The following ATL3 variants were observed in gnomAD, a reference collection of about 807,000 sequenced individuals.
ATL3 encodes atlastin-3.
ATL3 carries 49 observed loss-of-function variants against 69.5 expected under a neutral mutation model. The observed-to-expected ratio is 0.71, with a 90% CI of 0.56 to 0.89. ATL3 has a LOEUF of 0.89. Ranked by LOEUF, ATL3 falls within the 40% of genes least tolerant of loss-of-function variation. The probability of loss-of-function intolerance (pLI) is 0.00; values close to 1 mark genes in which losing one functional copy is unlikely to be tolerated. For missense variants in ATL3, 606 were observed against 645.7 expected, an observed-to-expected ratio of 0.94 and a Z score of 0.67; for synonymous variants, 214 against 224.1, an observed-to-expected ratio of 0.95 and a Z score of 0.40.
chr11:63,631,422 TTC>T lies in ATL3; in HGVS notation c.1155_1156del (p.Lys386AlafsTer3). 6.2e-7 allele frequency: 1 copy of T among 1,614,130 alleles called. No homozygotes were observed. ...AGCAAGTTGTTTGAATTCACAGTGC[TTC>T]TCCTCTAGAATGTCTGGAGACAAAT... On this transcript the variant is annotated frameshift_variant, in exon 12 of 13. Coordinates refer to ENST00000398868, the MANE Select transcript of ATL3 (RefSeq NM_015459.5). LOFTEE classifies it high-confidence loss of function.
rs1402229699 is a variant in ATL3, at chr11:63,626,957, G to C, written c.*2362C>G. 1 of 151,684 alleles carries C rather than the reference G, an allele frequency of 6.6e-6. No individual in the cohort carries two copies. Among genetic ancestry groups the C allele is most frequent in the African/African-American group, 2.4e-5 (1 of 41,312 alleles). 9.4% of individuals were successfully genotyped at this position (151,684 alleles called of 1,614,324 possible). Reference sequence around the variant, plus strand: ...GCAGAACTAAGAAAAAAAAAAAATGGTGAAGAGGACTTCCTCTGGATAATT... The same window carrying C: ...GCAGAACTAAGAAAAAAAAAAAATGCTGAAGAGGACTTCCTCTGGATAATT... On this transcript the variant is annotated 3_prime_UTR_variant, in exon 13 of 13. Coordinates refer to ENST00000398868, the MANE Select transcript of ATL3 (RefSeq NM_015459.5).
intron 8 of ATL3, among the ~76,000 whole-genome samples, chr11:63,640,862 A>C (rs894385808): frequency 1.3e-5 from 2 of 152,110 alleles, no homozygotes; most frequent in Non-Finnish European, 2.9e-5. Flanking sequence ...TTGGCCTCCC[A>C]AAGTGCTGGG....
chr11:63,669,438 G>A (rs1054440944), intron 1 of ATL3, among the ~76,000 whole-genome samples: 23 of 151,914 alleles, frequency 1.5e-4, no homozygotes, highest in Non-Finnish European at 2.8e-4. Context: ...GGGAGGCTGC[G>A]GCAGGAGAAT....
In ATL3 at chr11:63,659,112, C is replaced by A; in HGVS notation, c.187G>T (p.Val63Phe). 1 of 1,614,022 alleles carries A rather than the reference C, an allele frequency of 6.2e-7. No homozygotes were observed. The highest frequency in any genetic ancestry group is 1.1e-5 in the South Asian group (1 of 91,074). Residue 63 changes from valine (V) to phenylalanine (F), a missense_variant, in exon 2 of 13, where the codon GTT (valine) becomes TTT (phenylalanine). Transcript: ENST00000398868. ...DHIRDLDVVV[V>F]SVAGAFRKGK... Reference sequence around the variant, plus strand: ...TTTCGGAAGGCACCAGCCACTGAAACCACCACCACATCAAGATCTCGGATG... The same window carrying A: ...TTTCGGAAGGCACCAGCCACTGAAAACACCACCACATCAAGATCTCGGATG...
chr11:63,647,734 A>G (rs1939932240), intron 5 of ATL3, among the ~76,000 whole-genome samples: 1 of 152,226 alleles, frequency 6.6e-6, no homozygotes, highest in Admixed American at 6.5e-5. Context: ...AATCTTCAGG[A>G]AGCCTCACTA....
chr11:63,643,395 T>A lies in ATL3; in HGVS notation c.812A>T (p.Gln271Leu). 6.2e-7 allele frequency: 1 copy of A among 1,610,508 alleles called. No homozygotes were observed. Among genetic ancestry groups the A allele is most frequent in the Non-Finnish European group, 8.5e-7 (1 of 1,178,286 alleles). ...TCFLLPHPGL[Q>L]VATSPDFDGK... is the part of the protein sequence containing the mutation. The stretch of plus-strand genomic sequence containing the variant: ...ATCAAAGTCAGGGCTTGTGGCCACC[T>A]GGAGTCCTGGATGTGGTAAGAGAAA... The change falls in exon 8 of 13, where the codon CAG becomes CTG. Residue 271 changes from glutamine (Q) to leucine (L), a missense_variant. Gln to Leu is a moderately radical substitution (Grantham distance 113). Coordinates refer to ENST00000398868, the MANE Select transcript of ATL3 (RefSeq NM_015459.5).
chr11:63,632,844 G>A (rs1304728888), intron 11 of ATL3, 182 bp downstream of exon 11: 12 of 724,006 alleles, frequency 1.7e-5, no homozygotes, highest in Non-Finnish European at 2.7e-5. Flanking sequence ...AACAAAACAA[G>A]AACAAACAAA....
At position 63,648,764 on chromosome 11, in the gene ATL3, G is replaced by A. The variant is rs1045740286; in HGVS notation, c.562-2201C>T. ...GTGGAGGTTGCAGTGAGCCGAGATC[G>A]CACCACTGCACTCCAGCCTAGGCAG... On this transcript the variant is annotated intron_variant, in intron 5 of 12. Transcript: ENST00000398868. 4.6e-5 allele frequency among the ~76,000 whole-genome samples: 7 copies of A among 151,720 alleles called. No homozygotes were observed. In the South Asian group the frequency reaches 6.3e-4, roughly 14 times the overall value.
intron 3 of ATL3, among the ~76,000 whole-genome samples, 197 bp downstream of exon 3, chr11:63,658,564 G>A (rs958658052): frequency 1.3e-4 from 20 of 152,152 alleles, no homozygotes; most frequent in African/African-American, 4.1e-4. Flanking sequence ...CTACAACTTC[G>A]CATACCTGTG....
Position 63,634,974 on chromosome 11 carries a change from C to T in ATL3, c.1035+560G>A, listed in dbSNP as rs118028502. ...TCCAGGAGTTGGAGACCAGCCTGGG[C>T]AACATGGCTAAACCGATCTCTATTA... is the stretch of plus-strand genomic sequence containing the variant. On this transcript the variant is annotated intron_variant, in intron 10 of 12. Coordinates refer to ENST00000398868, the MANE Select transcript of ATL3 (RefSeq NM_015459.5). Among the ~76,000 whole-genome samples, 300 of 152,022 alleles carry T rather than the reference C, an allele frequency of 2.0e-3. 5 individuals carry two copies. The East Asian group carries it at 0.053, about 27-fold the overall frequency.
chr11:63,636,906 T>G (rs983290924), intron 8 of ATL3, among the ~76,000 whole-genome samples: 1 of 152,188 alleles, frequency 6.6e-6, no homozygotes, highest in African/African-American at 2.4e-5. Context: ...GAATACTATA[T>G]ATGCAGAATA....
chr11:63,635,702 A>T, intron 9 of ATL3, 112 bp from the exon 10 acceptor site: 1 of 806,600 alleles, frequency 1.2e-6, no homozygotes, highest in Non-Finnish European at 2.0e-6. Flanking sequence ...ACTTAGGTCA[A>T]CAACCAGGAA....
At chr11:63,669,214 T>C (rs889379834) in intron 1 of ATL3, among the ~76,000 whole-genome samples, 4 of 152,048 alleles carry the variant, frequency 2.6e-5, no homozygotes, top group Non-Finnish European at 5.9e-5. Context: ...CTGTGAAATA[T>C]ATCTAAGGTG....
At chr11:63,668,299 A>G (rs922970266) in intron 1 of ATL3, among the ~76,000 whole-genome samples, 1 of 152,188 alleles carries the variant, frequency 6.6e-6, no homozygotes, top group African/African-American at 2.4e-5. Flanking sequence ...ATCACAGGCA[A>G]GAGTAAGTAT....
chr11:63,631,435 T>G lies in ATL3; in HGVS notation c.1144A>C (p.Ile382Leu), dbSNP rs751086084. ...AATTCACAGTGCTTCTCCTCTAGAA[T>G]GTCTGGAGACAAATAAGGTTTCTCT... is the stretch of plus-strand genomic sequence containing the variant. Reference protein sequence around the residue: ...GGEKPYLSPDILEEKHCEFKQ... With the variant: ...GGEKPYLSPDLLEEKHCEFKQ... Residue 382 changes from isoleucine (I) to leucine (L), a missense_variant, in exon 12 of 13, where the codon ATT (isoleucine) becomes CTT (leucine). Transcript: ENST00000398868. The G allele has an allele frequency of 8.1e-6, 13 of 1,612,716 alleles. No homozygotes were observed. The South Asian group carries it at 1.4e-4, about 18-fold the overall frequency.
intron 12 of ATL3, 38 bp downstream of exon 12, chr11:63,631,002 C>G (rs771573931): frequency 9.1e-6 from 14 of 1,543,196 alleles, no homozygotes; most frequent in Non-Finnish European, 1.2e-5. Context: ...AATATCTGCC[C>G]ATTATCAACC....
intron 1 of ATL3, 39 bp from the exon 2 acceptor site, chr11:63,659,291 T>A: frequency 6.3e-7 from 1 of 1,575,338 alleles, no homozygotes. Flanking sequence ...TGTCAAATAT[T>A]TAAAATATGT....
chr11:63,669,201 C>T (rs1940692526), intron 1 of ATL3, among the ~76,000 whole-genome samples: 1 of 152,080 alleles, frequency 6.6e-6, no homozygotes, highest in Non-Finnish European at 1.5e-5. Context: ...TAACATACTT[C>T]AGCTGTGAAA....
chr11:63,633,863 T>C (rs1939414555), intron 10 of ATL3, among the ~76,000 whole-genome samples: 1 of 150,120 alleles, frequency 6.7e-6, no homozygotes, highest in African/African-American at 2.5e-5. Flanking sequence ...TGAAACCCCA[T>C]CTCTACCAAA....
Sources: allele counts gnomAD v4.1 joint callset (sites outside exome capture counted in the v4.1 genomes callset), GRCh38; gene constraint gnomAD v4.1.1; transcripts MANE v1.5; gene names NCBI Gene and HGNC (gene_info 2026-07-23, HGNC 2026-07-21).